CDCA7L: variants seen among roughly 807,000 people sequenced by gnomAD.
CDCA7L encodes cell division cycle-associated 7-like protein.
CDCA7L carries 44 observed loss-of-function variants against 57.4 expected under a neutral mutation model. The ratio of observed to expected loss-of-function variants is 0.77; its 90% CI spans 0.60 to 0.98. CDCA7L has a LOEUF of 0.98. Among genes scored for constraint, CDCA7L ranks in the 50% least tolerant of loss-of-function variants. The pLI is 0.00. For synonymous variants in CDCA7L, 236 were observed against 202.8 expected, an observed-to-expected ratio of 1.16 and a Z score of -1.39; for missense variants, 644 against 580.6, an observed-to-expected ratio of 1.11 and a Z score of -1.12.
chr7:21,942,026 A>G (rs1427380292), intron 1 of CDCA7L, among the ~76,000 whole-genome samples: 1 of 152,022 alleles, frequency 6.6e-6, no homozygotes, highest in Admixed American at 6.5e-5. Flanking sequence ...CTTCTGGTAG[A>G]GAGTGTGGGG....
At position 21,901,094 on chromosome 7, in the gene CDCA7L, C is replaced by G; in HGVS notation, c.*1228G>C. 6.2e-7 allele frequency: 1 copy of G among 1,613,662 alleles called. No homozygotes were observed. Among genetic ancestry groups the G allele is most frequent in the Non-Finnish European group, 8.5e-7 (1 of 1,179,658 alleles). On this transcript the variant is annotated 3_prime_UTR_variant, in exon 10 of 10. Coordinates refer to ENST00000406877, the MANE Select transcript of CDCA7L (RefSeq NM_018719.5). ...CCTATGCCGGTCATCTTTGCAAAAG[C>G]CACCCCCGTGGACAGACAAGAAACC...
chr7:21,944,399 C>G (rs762251577), intron 1 of CDCA7L, among the ~76,000 whole-genome samples: 1 of 137,322 alleles, frequency 7.3e-6, no homozygotes, highest in African/African-American at 2.7e-5. Flanking sequence ...TGCAGTGAGC[C>G]GAGGTCGCGC....
At chr7:21,903,259 T>G (rs1785001727) in intron 8 of CDCA7L, 145 bp from the exon 9 acceptor site, 1 of 713,332 alleles carries the variant, frequency 1.4e-6, no homozygotes, top group East Asian at 2.8e-5. Context: ...AGGGGGCTCC[T>G]CACAAGGCAG....
chr7:21,940,868 T>G (rs564980511), intron 1 of CDCA7L, among the ~76,000 whole-genome samples: 2 of 152,326 alleles, frequency 1.3e-5, no homozygotes, highest in Admixed American at 6.5e-5. Flanking sequence ...GCAGACCGGA[T>G]GTAAAGAACA....
chr7:21,902,767 G>A, intron 9 of CDCA7L: 1 of 542,724 alleles, frequency 1.8e-6, no homozygotes, highest in East Asian at 3.1e-5. Context: ...GTGGAGTTGA[G>A]TTGAAAAATC....
At chr7:21,945,584 G>A (rs1291936676) in intron 1 of CDCA7L, among the ~76,000 whole-genome samples, 197 bp downstream of exon 1, 1 of 152,116 alleles carries the variant, frequency 6.6e-6, no homozygotes, top group African/African-American at 2.4e-5. Context: ...GGCCTCTGTG[G>A]TCCGCGTAGC....
intron 1 of CDCA7L, among the ~76,000 whole-genome samples, chr7:21,928,601 G>T (rs1436646488): frequency 6.6e-6 from 1 of 151,806 alleles, no homozygotes; most frequent in East Asian, 1.9e-4. Context: ...GGTTAGAAAA[G>T]AACATAAATG....
intron 3 of CDCA7L, among the ~76,000 whole-genome samples, chr7:21,911,387 C>G (rs1032799192): frequency 6.6e-6 from 1 of 151,990 alleles, no homozygotes; most frequent in Admixed American, 6.6e-5. Context: ...CCCCAAAAAC[C>G]CCCTAAGGCA....
At position 21,901,206 on chromosome 7, in the gene CDCA7L, G is replaced by T; in HGVS notation, c.*1116C>A. The T allele has an allele frequency of 6.2e-7, 1 of 1,613,628 alleles. No homozygotes were observed. Among genetic ancestry groups the T allele is most frequent in the Non-Finnish European group, 8.5e-7 (1 of 1,179,688 alleles). The stretch of plus-strand genomic sequence containing the variant: ...CCTTCAGGCTGAAGAGCGAAGAGAA[G>T]ACTGCAAAATGGGTTCTGGCTGGAG... On this transcript the variant is annotated 3_prime_UTR_variant, in exon 10 of 10. Coordinates refer to ENST00000406877, the MANE Select transcript of CDCA7L (RefSeq NM_018719.5).
intron 1 of CDCA7L, among the ~76,000 whole-genome samples, chr7:21,937,533 G>A (rs1197513815): frequency 6.6e-6 from 1 of 152,016 alleles, no homozygotes; most frequent in Non-Finnish European, 1.5e-5. Context: ...GGCTACTCGG[G>A]AGGCTGAGGC....
At chr7:21,922,887 G>A (rs565406383) in intron 1 of CDCA7L, among the ~76,000 whole-genome samples, 7 of 152,268 alleles carry the variant, frequency 4.6e-5, no homozygotes, top group South Asian at 2.1e-4. Flanking sequence ...CTTTGAAGAC[G>A]TTATGCTAAA....
At position 21,906,593 on chromosome 7, in the gene CDCA7L, G is replaced by A; in HGVS notation, c.728C>T (p.Pro243Leu). Residue 243 changes from proline to leucine, a missense_variant, in exon 5 of 10, where the codon CCA (proline) becomes CTA (leucine). Coordinates refer to ENST00000406877, the MANE Select transcript of CDCA7L (RefSeq NM_018719.5). The stretch of plus-strand genomic sequence containing the variant: ...AGAAGCTGAGGTTGGGGTTCGTACT[G>A]GGAAGAAATCTGGCATCGAGTTCAA... ...AELNSMPDFF[P>L]VRTPTSASRK... 6.2e-7 allele frequency: 1 copy of A among 1,614,080 alleles called. No individual in the cohort carries two copies. The highest frequency in any genetic ancestry group is 1.7e-5 in the Admixed American group (1 of 60,030).
intron 1 of CDCA7L, among the ~76,000 whole-genome samples, chr7:21,941,439 T>G (rs746378669): frequency 2.0e-5 from 3 of 151,762 alleles, no homozygotes; most frequent in Non-Finnish European, 1.5e-5. Flanking sequence ...GCACGGAGAG[T>G]AGGGGAAGCA....
chr7:21,901,506 T>C lies in CDCA7L; in HGVS notation c.*816A>G, dbSNP rs997238855. ...ATCACTTGAACCTAGGAGGCAAAGG[T>C]TGCAGTGAGCCGAGGTTGCACCACT... On this transcript the variant is annotated 3_prime_UTR_variant, in exon 10 of 10. Transcript: ENST00000406877. 9 of 347,888 alleles carry C rather than the reference T, an allele frequency of 2.6e-5. No homozygotes were observed. The highest frequency in any genetic ancestry group is 9.9e-5 in the Admixed American group (2 of 20,264). The allele number at this position is 347,888 out of a possible 1,614,324, so 21.6% of individuals were successfully genotyped here. A position where few individuals can be genotyped will look rare whatever the true frequency, so the allele number is the denominator to read the frequency against.
chr7:21,919,936 A>G (rs1456834299), intron 1 of CDCA7L, among the ~76,000 whole-genome samples: 1 of 152,200 alleles, frequency 6.6e-6, no homozygotes, highest in Non-Finnish European at 1.5e-5. Flanking sequence ...AAAATGTTTC[A>G]CATGTACTTC....
rs764086559 is a variant in CDCA7L, at chr7:21,902,392, A to C, written c.1335-40T>G. ...AGAAGTATTTGGTAAAGTAGTACAA[A>C]TACACAAATGGCATTCTAGGCTTGA... On this transcript the variant is annotated intron_variant, in intron 9 of 9. Coordinates refer to ENST00000406877, the MANE Select transcript of CDCA7L (RefSeq NM_018719.5). The C allele has an allele frequency of 1.9e-6, 3 of 1,586,976 alleles. No individual in the cohort carries two copies. In the South Asian group the frequency reaches 3.3e-5, roughly 18 times the overall value.
rs773459336 is a variant in CDCA7L, at chr7:21,904,283, G to C, written c.1048-24C>G. ...CCCTACAGGGGGAAGGCAGTGAGCA[G>C]GTGAACACAGGGATATGCTGATGCC... On this transcript the variant is annotated intron_variant, in intron 7 of 9. Transcript: ENST00000406877. 141 of 1,573,256 alleles carry C rather than the reference G, an allele frequency of 9.0e-5. 4 individuals are homozygous for C. The South Asian group carries it at 1.7e-3, about 18-fold the overall frequency.
intron 7 of CDCA7L, 122 bp downstream of exon 7, chr7:21,905,384 C>G: frequency 8.9e-7 from 1 of 1,126,990 alleles, no homozygotes; most frequent in South Asian, 1.5e-5. Flanking sequence ...CCCTCCAATT[C>G]AGAGCCTGGC....
intron 1 of CDCA7L, among the ~76,000 whole-genome samples, chr7:21,941,695 C>G (rs1786344462): frequency 6.6e-6 from 1 of 152,100 alleles, no homozygotes; most frequent in Non-Finnish European, 1.5e-5. Context: ...TCACCAAGGC[C>G]CGGTGATTCC....
Sources: allele counts gnomAD v4.1 joint callset (sites outside exome capture counted in the v4.1 genomes callset), GRCh38; gene constraint gnomAD v4.1.1; transcripts MANE v1.5; gene names NCBI Gene and HGNC (gene_info 2026-07-23, HGNC 2026-07-21).